RBPJ: variants seen among roughly 807,000 people sequenced by gnomAD.
The protein encoded by RBPJ is recombining binding protein suppressor of hairless.
Under a neutral mutation model 67.8 loss-of-function variants are expected in RBPJ, and 9 were observed. The observed-to-expected ratio is 0.13, with a 90% CI of 0.08 to 0.23. The LOEUF is 0.23. Among genes scored for constraint, RBPJ ranks in the 10% least tolerant of loss-of-function variants. The pLI is 1.00. For synonymous variants in RBPJ, 198 were observed against 203.3 expected (o/e 0.97, Z 0.22); for missense variants, 305 against 595.6 (o/e 0.51, Z 5.08).
rs73113397 is a variant in RBPJ, at chr4:26,342,799, T to A, written c.20+21751T>A. Among the ~76,000 whole-genome samples the A allele has an allele frequency of 3.0e-3, 454 of 152,338 alleles. 1 individual carries two copies. The highest frequency in any genetic ancestry group is 0.011 in the African/African-American group (437 of 41,574). ...AATTTGGGTAGTATCTCTGCTTCAC[T>A]TTTCTTCAGTGTAATGGTATCTCTG... On this transcript the variant is annotated intron_variant, in intron 1 of 10. Transcript: ENST00000355476.
the RBPJ span, among the ~76,000 whole-genome samples, chr4:26,155,379 C>T: frequency 6.6e-6 from 1 of 152,082 alleles, no homozygotes; most frequent in African/African-American, 2.4e-5. Flanking sequence ...CAGGCACATG[C>T]CCTCTGGGTC....
intron 1 of RBPJ, among the ~76,000 whole-genome samples, chr4:26,193,876 TATCTCCCTGC>T (rs1331653727): frequency 6.6e-6 from 1 of 152,168 alleles, no homozygotes; most frequent in Non-Finnish European, 1.5e-5. Flanking sequence ...TCTCAGCCTC[TATCTCCCTGC>T]ATAGTTTCCC....
chr4:26,212,887 A>G (rs957533886), intron 1 of RBPJ, among the ~76,000 whole-genome samples: 1 of 152,058 alleles, frequency 6.6e-6, no homozygotes, highest in Non-Finnish European at 1.5e-5. Context: ...AGGACAGGGT[A>G]TGGGAGCTTC....
intron 1 of RBPJ, among the ~76,000 whole-genome samples, chr4:26,271,946 A>T (rs760750335): frequency 6.6e-6 from 1 of 152,216 alleles, no homozygotes; most frequent in Non-Finnish European, 1.5e-5. Context: ...ATATAGGCAC[A>T]TGGGTGCATA....
At position 26,190,712 on chromosome 4, in the gene RBPJ, C is replaced by T. The variant is rs527247662; in HGVS notation, c.-167+27098C>T. Among the ~76,000 whole-genome samples the T allele has an allele frequency of 2.6e-4, 39 of 152,284 alleles. 1 individual carries two copies. The South Asian group carries it at 6.0e-3, about 23-fold the overall frequency. On this transcript the variant is annotated intron_variant, in intron 1 of 4. Coordinates refer to the RBPJ transcript ENST00000512351. The stretch of plus-strand genomic sequence containing the variant: ...CTTGAATACAGGGGACCCTCTTTTG[C>T]TGTTTGACCCTTCTCTGTAACAGCA...
chr4:26,177,302 G>A (rs139096596), intron 1 of RBPJ, among the ~76,000 whole-genome samples: 1,934 of 152,284 alleles, frequency 0.013, 19 homozygotes, highest in Non-Finnish European at 0.02. Flanking sequence ...TGGGCTGGGC[G>A]CAGTGGCTCA....
chr4:26,361,832 A>G (rs1728092300), intron 1 of RBPJ, among the ~76,000 whole-genome samples: 1 of 152,188 alleles, frequency 6.6e-6, no homozygotes, highest in Admixed American at 6.5e-5. Context: ...GTTTTTATGT[A>G]AGAAAGCTGG....
chr4:26,270,428 AGAAAGAAAGAAG>A lies in RBPJ; in HGVS notation c.-166-92017_-166-92006del, dbSNP rs1560237965. On this transcript the variant is annotated intron_variant, in intron 1 of 4. Transcript: ENST00000512351. Reference sequence around the variant, plus strand: ...AAGAAAGAAAGAAAGAAAGAAAGAAAGAAAGAAAGAAGAAAGAAAGAAAGAAAGAAAAGAAAA... The same window carrying A: ...AAGAAAGAAAGAAAGAAAGAAAGAAAAAAGAAAGAAAGAAAGAAAAGAAAA... Among the ~76,000 whole-genome samples, 44 of 58,310 alleles carry A rather than the reference AGAAAGAAAGAAG, an allele frequency of 7.5e-4. 2 individuals are homozygous for A. Among genetic ancestry groups the A allele is most frequent in the African/African-American group, 2.0e-3 (43 of 21,748 alleles). The allele number at this position is 58,310 out of a possible 152,430, so 38.3% of individuals were successfully genotyped here.
At chr4:26,403,663 G>C (rs966824250) in intron 2 of RBPJ, among the ~76,000 whole-genome samples, 1 of 152,028 alleles carries the variant, frequency 6.6e-6, no homozygotes, top group Admixed American at 6.6e-5. Context: ...GCGTTAGTTT[G>C]CTAAGGAAGA....
At chr4:26,319,705 C>G (rs1045827804), upstream of RBPJ, 1 of 705,224 alleles carries the variant, frequency 1.4e-6, no homozygotes, top group Non-Finnish European at 2.6e-6. Flanking sequence ...GACTGGACTG[C>G]CCGCATTGGG....
intron 1 of RBPJ, among the ~76,000 whole-genome samples, chr4:26,234,570 T>C (rs1719391129): frequency 6.6e-6 from 1 of 152,224 alleles, no homozygotes; most frequent in South Asian, 2.1e-4. Flanking sequence ...CCACTCTCTA[T>C]ATAAATTGTA....
the RBPJ span, among the ~76,000 whole-genome samples, chr4:26,125,066 G>A: frequency 6.6e-6 from 1 of 152,194 alleles, no homozygotes; most frequent in African/African-American, 2.4e-5. Context: ...GGGAAAAAGG[G>A]GGAAGGGAAA....
upstream of RBPJ, among the ~76,000 whole-genome samples, chr4:26,315,267 C>T (rs1322524725): frequency 6.8e-6 from 1 of 146,212 alleles, no homozygotes; most frequent in Non-Finnish European, 1.5e-5. Context: ...TCTATTTTCC[C>T]TAAGTGTTGG....
At chr4:26,262,805 C>T (rs565104986) in intron 1 of RBPJ, among the ~76,000 whole-genome samples, 13 of 152,252 alleles carry the variant, frequency 8.5e-5, no homozygotes, top group African/African-American at 3.1e-4. Flanking sequence ...CACCATAAAC[C>T]TCACACATCC....
intron 1 of RBPJ, among the ~76,000 whole-genome samples, chr4:26,232,948 T>C (rs1009471238): frequency 2.0e-5 from 3 of 152,236 alleles, no homozygotes; most frequent in Non-Finnish European, 2.9e-5. Flanking sequence ...CTAAGTTTTG[T>C]AATATTATTT....
intron 1 of RBPJ, among the ~76,000 whole-genome samples, chr4:26,176,250 A>G (rs909241256): frequency 2.0e-5 from 3 of 152,186 alleles, no homozygotes; most frequent in South Asian, 2.1e-4. Flanking sequence ...AGCTGGCTCT[A>G]TTATTCCTAT....
intron 3 of RBPJ, among the ~76,000 whole-genome samples, chr4:26,412,042 G>A (rs1734072389): frequency 6.6e-6 from 1 of 151,328 alleles, no homozygotes; most frequent in Admixed American, 6.6e-5. Flanking sequence ...ATGAACCTGG[G>A]AGGTGGAGCT....
chr4:26,139,851 A>G, the RBPJ span, among the ~76,000 whole-genome samples: 3 of 152,214 alleles, frequency 2.0e-5, no homozygotes, highest in Non-Finnish European at 4.4e-5. Context: ...AATTTTTAAG[A>G]ATTAAAGAAA....
chr4:26,325,143 A>G (rs570025791), intron 1 of RBPJ, among the ~76,000 whole-genome samples: 1 of 152,170 alleles, frequency 6.6e-6, no homozygotes, highest in East Asian at 1.9e-4. Context: ...TTCCTCTCTC[A>G]CCAGCCTTTA....
Sources: gnomAD v4.1 joint callset for allele counts (sites outside exome capture counted in the v4.1 genomes callset) on GRCh38, gnomAD v4.1.1 for gene constraint, MANE v1.5 for transcripts, NCBI Gene and HGNC (gene_info 2026-07-23, HGNC 2026-07-21) for gene names.